Variants in KCNC4 observed in about 807,000 individuals in gnomAD.
The protein encoded by KCNC4 is voltage-gated potassium channel KCNC4.
In KCNC4, 23 loss-of-function variants were observed where a neutral mutation model predicts 42.8. The ratio of observed to expected loss-of-function variants is 0.54; its 90% CI spans 0.39 to 0.76. The LOEUF (loss-of-function observed/expected upper bound fraction) is 0.76, where lower values mean the gene tolerates loss of function less well. Among genes scored for constraint, KCNC4 ranks in the 30% least tolerant of loss-of-function variants. KCNC4 has a pLI of 0.00. For synonymous variants in KCNC4, 422 were observed against 393.5 expected (o/e 1.07, Z -0.86); for missense variants, 751 against 898.2 (o/e 0.84, Z 2.10).
chr1:110,279,449 A>T (rs1391096673), intron 1 of KCNC4, among the ~76,000 whole-genome samples: 2 of 152,136 alleles, frequency 1.3e-5, no homozygotes, highest in Non-Finnish European at 2.9e-5. Context: ...GACCCAATAA[A>T]CATTTGTGGA....
exon 4 of KCNC4, chr1:110,242,757 C>T (rs895719053): frequency 1.3e-5 from 2 of 150,610 alleles, no homozygotes; most frequent in Non-Finnish European, 1.5e-5. Context: ...TCAGAGCAGC[C>T]CCAGGAGGTA....
In KCNC4 at chr1:110,232,989, G is replaced by T; in HGVS notation, c.*17G>T. Reference sequence around the variant, plus strand: ...CTCTCTTAAAGCGGCACCAACGTGAGAGAGACAGGCAGACAGACAGAAAGC... The same window carrying T: ...CTCTCTTAAAGCGGCACCAACGTGATAGAGACAGGCAGACAGACAGAAAGC... On this transcript the variant is annotated 3_prime_UTR_variant, in exon 4 of 4. Coordinates refer to ENST00000438661, the MANE Select transcript of KCNC4 (RefSeq NM_001039574.3). The T allele has an allele frequency of 6.2e-7, 1 of 1,608,422 alleles. No homozygotes were observed.
intron 3 of KCNC4, among the ~76,000 whole-genome samples, chr1:110,228,329 C>G (rs895232430): frequency 2.0e-5 from 3 of 152,072 alleles, no homozygotes; most frequent in Non-Finnish European, 4.4e-5. Flanking sequence ...GGGAAGCTTA[C>G]CTGGGGGCAG....
downstream of KCNC4, among the ~76,000 whole-genome samples, chr1:110,252,561 A>C (rs1195318180): frequency 2.6e-5 from 4 of 152,138 alleles, no homozygotes; most frequent in Non-Finnish European, 5.9e-5. Context: ...TGATCACCGG[A>C]GAGAGGTTGG....
intron 1 of KCNC4, among the ~76,000 whole-genome samples, chr1:110,218,788 G>C (rs186358591): frequency 6.4e-4 from 97 of 152,292 alleles, no homozygotes; most frequent in Non-Finnish European, 1.2e-3. Flanking sequence ...ACAGTCCAAC[G>C]GTGGGGTTGG....
chr1:110,227,716 G>A (rs547051272), intron 3 of KCNC4, among the ~76,000 whole-genome samples: 12 of 152,198 alleles, frequency 7.9e-5, no homozygotes, highest in East Asian at 7.7e-4. Context: ...TGTAGGACTC[G>A]AGCACACAGA....
At chr1:110,212,329 C>G in intron 1 of KCNC4, 152 bp downstream of exon 1, 1 of 819,484 alleles carries the variant, frequency 1.2e-6, no homozygotes. Context: ...CTCCGTGGCT[C>G]GCAGGGGAAT....
chr1:110,254,092 G>GT (rs60155543), downstream of KCNC4, among the ~76,000 whole-genome samples: 1,471 of 105,380 alleles, frequency 0.014, 40 homozygotes, highest in African/African-American at 0.061. Flanking sequence ...GCAGAAGTCG[G>GT]GGGGGGGGCG....
At chr1:110,264,341 T>G (rs147846944) in intron 1 of KCNC4, among the ~76,000 whole-genome samples, 1 of 152,218 alleles carries the variant, frequency 6.6e-6, no homozygotes, top group Non-Finnish European at 1.5e-5. Context: ...TTTTTTTGAT[T>G]TGTGATTGGT....
intron 3 of KCNC4, chr1:110,232,489 C>G (rs1658746201): frequency 6.9e-7 from 1 of 1,439,730 alleles, no homozygotes; most frequent in Non-Finnish European, 9.1e-7. Flanking sequence ...GGAACTTTCC[C>G]CACTGCCTCC....
At chr1:110,254,256 C>T (rs1056533128) in intron 1 of KCNC4, among the ~76,000 whole-genome samples, 1 of 152,142 alleles carries the variant, frequency 6.6e-6, no homozygotes, top group Non-Finnish European at 1.5e-5. Flanking sequence ...AGACAGCCTG[C>T]GGGATTTGGG....
downstream of KCNC4, chr1:110,234,915 C>G (rs1342463166): frequency 6.6e-6 from 1 of 152,252 alleles, no homozygotes. Flanking sequence ...GAAATGGTTT[C>G]CCTGTTTGTT....
rs1343874517 is a variant in KCNC4 at position 110,210,688 on chromosome 1, C to T, written c.-812C>T. ...GCCGCGCAGGACGCCCCGTCTGAGG[C>T]ACCCCCGCCCCAGCGCGGCCCCCGC... On this transcript the variant is annotated 5_prime_UTR_variant, in exon 1 of 4. Transcript: ENST00000438661. Among the ~76,000 whole-genome samples, 1 of 151,204 alleles carries T rather than the reference C, an allele frequency of 6.6e-6. No individual in the cohort carries two copies. The highest frequency in any genetic ancestry group is 2.1e-4 in the South Asian group (1 of 4,832).
At chr1:110,220,867 A>C (rs1484925002) in intron 1 of KCNC4, 1 of 152,222 alleles carries the variant, frequency 6.6e-6, no homozygotes, top group Admixed American at 6.5e-5. Flanking sequence ...TAGAAAAGGA[A>C]CTTAAATTTA....
downstream of KCNC4, among the ~76,000 whole-genome samples, chr1:110,251,793 G>A (rs1013496364): frequency 6.2e-4 from 94 of 152,228 alleles, no homozygotes; most frequent in African/African-American, 2.1e-3. Flanking sequence ...ATCCCATTAT[G>A]CAGGCAAAGA....
chr1:110,226,077 C>G lies in KCNC4; in HGVS notation c.1718C>G (p.Ala573Gly), dbSNP rs200087078. Reference sequence around the variant, plus strand: ...TCCCCGACCCCCGAGGAGCGCCGGGCCCTGCGACGCTCCACCACTCGAGAC... The same window carrying G: ...TCCCCGACCCCCGAGGAGCGCCGGGGCCTGCGACGCTCCACCACTCGAGAC... ...ASSPTPEERR[A>G]LRRSTTRDRN... Residue 573 changes from alanine (A) to glycine (G), a missense_variant, in exon 3 of 4, where the codon GCC becomes GGC. Coordinates refer to ENST00000438661, the MANE Select transcript of KCNC4 (RefSeq NM_001039574.3). 9.4e-5 allele frequency: 151 copies of G among 1,614,018 alleles called. 1 individual carries two copies. In the East Asian group the frequency reaches 3.4e-3, roughly 36 times the overall value.
intron 1 of KCNC4, among the ~76,000 whole-genome samples, chr1:110,266,844 C>A (rs532719041): frequency 2.1e-4 from 32 of 152,314 alleles, no homozygotes; most frequent in African/African-American, 7.5e-4. Flanking sequence ...CCGAGGACCC[C>A]GTGCCTTGAT....
intron 3 of KCNC4, chr1:110,226,453 C>T (rs936381383): frequency 5.9e-5 from 29 of 492,852 alleles, no homozygotes; most frequent in Non-Finnish European, 6.7e-5. Flanking sequence ...AGGGTCCCTG[C>T]CCCGTGCTTC....
intron 3 of KCNC4, chr1:110,232,686 T>C: frequency 2.0e-6 from 3 of 1,479,948 alleles, no homozygotes; most frequent in Non-Finnish European, 2.7e-6. Flanking sequence ...GACCCATCCA[T>C]GCTCTTCCTG....
Sources: allele counts gnomAD v4.1 joint callset (sites outside exome capture counted in the v4.1 genomes callset), GRCh38; gene constraint gnomAD v4.1.1; transcripts MANE v1.5; gene names NCBI Gene and HGNC (gene_info 2026-07-23, HGNC 2026-07-21).